NBEA: variants seen among roughly 807,000 people sequenced by gnomAD.
The protein encoded by NBEA is lysosomal-trafficking regulator 2.
In NBEA, 44 loss-of-function variants were observed where a neutral mutation model predicts 343.4. The observed-to-expected ratio is 0.13, with a 90% CI of 0.10 to 0.16. NBEA has a LOEUF of 0.16. Among genes scored for constraint, NBEA ranks in the 10% least tolerant of loss-of-function variants. The probability of loss-of-function intolerance (pLI) is 1.00; values close to 1 mark genes in which losing one functional copy is unlikely to be tolerated. For missense variants in NBEA, 2,555 were observed against 3,631.3 expected (o/e 0.70, Z 7.62); for synonymous variants, 1,175 against 1,238.7 (o/e 0.95, Z 1.08).
intron 1 of NBEA, among the ~76,000 whole-genome samples, chr13:34,997,572 C>T (rs1031856306): frequency 1.3e-5 from 2 of 152,080 alleles, no homozygotes; most frequent in African/African-American, 4.8e-5. Context: ...GACATGATAT[C>T]CCTTATATTT....
At chr13:35,442,258 T>G (rs2045781837) in intron 39 of NBEA, among the ~76,000 whole-genome samples, 1 of 152,186 alleles carries the variant, frequency 6.6e-6, no homozygotes, top group South Asian at 2.1e-4. Context: ...AGATGAATAG[T>G]GCATCATCTC....
intron 41 of NBEA, among the ~76,000 whole-genome samples, chr13:35,484,626 AC>A (rs1221900045): frequency 6.6e-6 from 1 of 152,074 alleles, no homozygotes; most frequent in African/African-American, 2.4e-5. Flanking sequence ...TGCTGTTTTA[AC>A]TGGATGGATA....
intron 47 of NBEA, among the ~76,000 whole-genome samples, chr13:35,597,885 G>A (rs1438938889): frequency 6.6e-6 from 1 of 152,180 alleles, no homozygotes; most frequent in African/African-American, 2.4e-5. Flanking sequence ...ACTTCCTGAT[G>A]AGATGAGTTG....
chr13:35,256,618 CT>C (rs2032629829), intron 34 of NBEA, among the ~76,000 whole-genome samples: 1 of 152,172 alleles, frequency 6.6e-6, no homozygotes, highest in Non-Finnish European at 1.5e-5. Context: ...CGCCTGCAGG[CT>C]CACGCTAAGC....
intron 36 of NBEA, among the ~76,000 whole-genome samples, chr13:35,317,076 T>A (rs2152837523): frequency 6.6e-6 from 1 of 152,324 alleles, no homozygotes; most frequent in Non-Finnish European, 1.5e-5. Context: ...TTCCCTGTGA[T>A]GATAGTTTCT....
intron 33 of NBEA, among the ~76,000 whole-genome samples, chr13:35,230,011 A>C (rs1316797799): frequency 6.6e-6 from 1 of 152,120 alleles, no homozygotes; most frequent in Non-Finnish European, 1.5e-5. Flanking sequence ...TCTCTTGCTG[A>C]GTAAAATATT....
At chr13:35,133,879 A>G (rs1372833123) in intron 17 of NBEA, among the ~76,000 whole-genome samples, 1 of 152,040 alleles carries the variant, frequency 6.6e-6, no homozygotes, top group African/African-American at 2.4e-5. Flanking sequence ...ACAGGTATCC[A>G]GAAATACTTA....
Position 35,593,459 on chromosome 13 carries a change from T to A in NBEA, c.7296+12T>A. On this transcript the variant is annotated intron_variant, in intron 47 of 58. Coordinates refer to ENST00000379939, the MANE Select transcript of NBEA (RefSeq NM_001385012.1). ...CTTCTGATGTAAAGGTAGGCTCTTT[T>A]ATTTGTTGATATTCATTAAATTTCA... 1.3e-6 allele frequency: 2 copies of A among 1,585,108 alleles called. No individual in the cohort carries two copies. The highest frequency in any genetic ancestry group is 2.7e-5 in the African/African-American group (2 of 73,044).
chr13:35,321,086 T>G (rs533912630), intron 36 of NBEA, among the ~76,000 whole-genome samples: 2 of 152,242 alleles, frequency 1.3e-5, no homozygotes, highest in South Asian at 4.1e-4. Flanking sequence ...TTCTGAAGCC[T>G]GCTTCTGTCA....
chr13:34,992,759 G>A lies in NBEA; in HGVS notation c.295-48174G>A, dbSNP rs1003497484. ...ATGATCTCAGCTCACTGCAAGCTCC[G>A]ACTCCCAGATTCACACCATTCTCCT... On this transcript the variant is annotated intron_variant, in intron 1 of 58. Coordinates refer to ENST00000379939, the MANE Select transcript of NBEA (RefSeq NM_001385012.1). Among the ~76,000 whole-genome samples, 65 of 151,468 alleles carry A rather than the reference G, an allele frequency of 4.3e-4. No homozygotes were observed. In the Middle Eastern group the frequency reaches 0.01, roughly 24 times the overall value.
chr13:35,649,504 A>G (rs2084413587), intron 51 of NBEA, 151 bp from the exon 52 acceptor site: 3 of 649,984 alleles, frequency 4.6e-6, no homozygotes, highest in Non-Finnish European at 8.0e-6. Flanking sequence ...GATTTGGGGC[A>G]GACATTCACC....
At chr13:35,358,493 G>A (rs1035168384) in intron 38 of NBEA, among the ~76,000 whole-genome samples, 1 of 151,282 alleles carries the variant, frequency 6.6e-6, no homozygotes, top group African/African-American at 2.4e-5. Context: ...GAGGTGGGCA[G>A]ATTACTTTGA....
intron 38 of NBEA, among the ~76,000 whole-genome samples, chr13:35,392,087 A>G (rs916950948): frequency 5.3e-5 from 8 of 152,138 alleles, no homozygotes; most frequent in Non-Finnish European, 1.0e-4. Context: ...TAGATTTTAT[A>G]TTATAAGTGA....
At chr13:35,451,296 T>G (rs1408678584) in intron 39 of NBEA, among the ~76,000 whole-genome samples, 1 of 152,144 alleles carries the variant, frequency 6.6e-6, no homozygotes, top group Non-Finnish European at 1.5e-5. Context: ...TCTAATTTTT[T>G]GCGTTTTTAG....
chr13:35,620,836 G>A (rs2082954722), intron 48 of NBEA, among the ~76,000 whole-genome samples: 1 of 152,090 alleles, frequency 6.6e-6, no homozygotes, highest in South Asian at 2.1e-4. Flanking sequence ...CCTACCAGTG[G>A]CCATTTTCCC....
At chr13:34,978,597 G>T (rs552917593) in intron 1 of NBEA, among the ~76,000 whole-genome samples, 1 of 152,172 alleles carries the variant, frequency 6.6e-6, no homozygotes, top group African/African-American at 2.4e-5. Context: ...AGAGTTCCTC[G>T]TACTCCTTTC....
intron 11 of NBEA, among the ~76,000 whole-genome samples, chr13:35,104,510 G>A (rs1026510590): frequency 6.6e-6 from 1 of 151,904 alleles, no homozygotes; most frequent in Admixed American, 6.6e-5. Flanking sequence ...TTGTATGCTT[G>A]TCTGATTACC....
At chr13:35,520,936 G>GA (rs146150519) in intron 41 of NBEA, among the ~76,000 whole-genome samples, 15,993 of 151,928 alleles carry the variant, frequency 0.11, 877 homozygotes, top group African/African-American at 0.13. Context: ...TTTCATTGAG[G>GA]AAAAAATCTT....
chr13:35,359,824 G>A (rs1470202006), intron 38 of NBEA, among the ~76,000 whole-genome samples: 1 of 142,076 alleles, frequency 7.0e-6, no homozygotes, highest in East Asian at 1.9e-4. Flanking sequence ...ATAGGTGTGT[G>A]TGTGTGTATG....
Sources: gnomAD v4.1 joint callset for allele counts (sites outside exome capture counted in the v4.1 genomes callset) on GRCh38, gnomAD v4.1.1 for gene constraint, MANE v1.5 for transcripts, NCBI Gene and HGNC (gene_info 2026-07-23, HGNC 2026-07-21) for gene names.